The following NBEA variants were observed in gnomAD, a reference collection of about 807,000 sequenced individuals.
NBEA encodes the protein neurobeachin.
In NBEA, 44 loss-of-function variants were observed where a neutral mutation model predicts 343.4. The observed-to-expected ratio is 0.13, with a 90% CI of 0.10 to 0.16. The LOEUF (loss-of-function observed/expected upper bound fraction) is 0.16, where lower values mean the gene tolerates loss of function less well. Among genes scored for constraint, NBEA ranks in the 10% least tolerant of loss-of-function variants. The pLI is 1.00. For missense variants in NBEA, 2,555 were observed against 3,631.3 expected (o/e 0.70, Z 7.62); for synonymous variants, 1,175 against 1,238.7 (o/e 0.95, Z 1.08).
At chr13:35,077,097 T>C (rs977854886) in intron 10 of NBEA, among the ~76,000 whole-genome samples, 1 of 152,064 alleles carries the variant, frequency 6.6e-6, no homozygotes, top group African/African-American at 2.4e-5. Context: ...CCATAACATG[T>C]AATGAATGGA....
chr13:35,598,303 G>A (rs888743943), intron 47 of NBEA, among the ~76,000 whole-genome samples: 14 of 152,154 alleles, frequency 9.2e-5, no homozygotes, highest in Admixed American at 5.9e-4. Context: ...ATAAGTTGTC[G>A]ATTACCCAGA....
At chr13:35,465,788 G>C (rs180827580) in intron 40 of NBEA, among the ~76,000 whole-genome samples, 3 of 150,898 alleles carry the variant, frequency 2.0e-5, no homozygotes, top group Non-Finnish European at 4.4e-5. Flanking sequence ...TTTTCTTCTA[G>C]GAAATCACAC....
At chr13:35,179,373 A>G (rs975471730) in intron 28 of NBEA, among the ~76,000 whole-genome samples, 1 of 151,542 alleles carries the variant, frequency 6.6e-6, no homozygotes, top group South Asian at 2.1e-4. Flanking sequence ...GAAACATTAT[A>G]TAGCTCATGT....
Position 35,522,475 on chromosome 13 carries a change from C to CAAAAAAAAAAAAAAAAAAAAAAA in NBEA, c.6586-27993_6586-27971dup, listed in dbSNP as rs138270833. Among the ~76,000 whole-genome samples, 3 of 42,036 alleles carry CAAAAAAAAAAAAAAAAAAAAAAA rather than the reference C, an allele frequency of 7.1e-5. 1 individual carries two copies. Among genetic ancestry groups the CAAAAAAAAAAAAAAAAAAAAAAA allele is most frequent in the Non-Finnish European group, 1.7e-4 (3 of 18,128 alleles). The allele number at this position is 42,036 out of a possible 152,430, so 27.6% of individuals were successfully genotyped here. On this transcript the variant is annotated intron_variant, in intron 41 of 58. Transcript: ENST00000379939. ...GGGCAACAAAGCAAGATACCATCTC[C>CAAAAAAAAAAAAAAAAAAAAAAA]AAAAAAAAAAAAAAAAAAAAAAAAA...
At chr13:35,225,132 T>A (rs2074579859) in intron 33 of NBEA, among the ~76,000 whole-genome samples, 1 of 152,148 alleles carries the variant, frequency 6.6e-6, no homozygotes, top group African/African-American at 2.4e-5. Flanking sequence ...TAGACTACTG[T>A]TATCTGTTAC....
At chr13:35,385,564 G>A (rs2042207236) in intron 38 of NBEA, among the ~76,000 whole-genome samples, 1 of 151,960 alleles carries the variant, frequency 6.6e-6, no homozygotes, top group African/African-American at 2.4e-5. Context: ...TTAGTCAGGT[G>A]TGGTGGTGTG....
intron 47 of NBEA, among the ~76,000 whole-genome samples, chr13:35,594,706 A>G (rs1286730743): frequency 1.3e-5 from 2 of 152,144 alleles, no homozygotes; most frequent in Non-Finnish European, 1.5e-5. Flanking sequence ...TTATATAATA[A>G]CACTTTGAGA....
chr13:35,429,729 A>G (rs2044961329), intron 38 of NBEA, among the ~76,000 whole-genome samples: 1 of 151,608 alleles, frequency 6.6e-6, no homozygotes, highest in South Asian at 2.1e-4. Context: ...TCACCTGAGC[A>G]GTGTACCCTA....
intron 1 of NBEA, among the ~76,000 whole-genome samples, chr13:34,992,715 C>T (rs1281794436): frequency 1.3e-5 from 2 of 151,800 alleles, no homozygotes; most frequent in Admixed American, 6.6e-5. Context: ...CTCTGTTGCC[C>T]AGGCTGGAGT....
intron 51 of NBEA, among the ~76,000 whole-genome samples, chr13:35,649,374 A>G (rs906288643): frequency 6.6e-6 from 1 of 152,134 alleles, no homozygotes; most frequent in Non-Finnish European, 1.5e-5. Flanking sequence ...AACTTTTCAC[A>G]TTGCATTGTG....
chr13:35,403,689 G>A (rs2043110329), intron 38 of NBEA, among the ~76,000 whole-genome samples: 1 of 151,882 alleles, frequency 6.6e-6, no homozygotes, highest in Non-Finnish European at 1.5e-5. Flanking sequence ...CAGGACATAG[G>A]CATGGGCAAG....
chr13:35,265,910 G>GA (rs892356309), intron 34 of NBEA, among the ~76,000 whole-genome samples: 13 of 151,880 alleles, frequency 8.6e-5, no homozygotes, highest in Admixed American at 8.5e-4. Flanking sequence ...CAACAGTTAA[G>GA]AAGTAATCTA....
chr13:35,600,198 G>A (rs1032219920), intron 47 of NBEA, among the ~76,000 whole-genome samples: 2 of 152,118 alleles, frequency 1.3e-5, no homozygotes, highest in Non-Finnish European at 2.9e-5. Flanking sequence ...TTGTATCACC[G>A]ATTTCAGGAA....
At chr13:35,021,196 T>C (rs550023183) in intron 1 of NBEA, among the ~76,000 whole-genome samples, 2 of 152,302 alleles carry the variant, frequency 1.3e-5, no homozygotes, top group East Asian at 1.9e-4. Flanking sequence ...TGCCTGACTT[T>C]ATAGTTTTAT....
At chr13:35,019,401 G>A (rs1270863447) in intron 1 of NBEA, among the ~76,000 whole-genome samples, 2 of 151,676 alleles carry the variant, frequency 1.3e-5, no homozygotes, top group Non-Finnish European at 2.9e-5. Flanking sequence ...GGGTTCAAGC[G>A]ATTCTTGTGC....
intron 1 of NBEA, among the ~76,000 whole-genome samples, chr13:34,992,198 ATG>A (rs58578283): frequency 0.018 from 2,473 of 138,738 alleles, 68 homozygotes; most frequent in African/African-American, 0.058. Flanking sequence ...GTGTATATAT[ATG>A]TGTGTGTGTG....
intron 48 of NBEA, among the ~76,000 whole-genome samples, chr13:35,609,482 A>G (rs567833139): frequency 1.5e-4 from 23 of 152,204 alleles, no homozygotes; most frequent in Non-Finnish European, 3.1e-4. Flanking sequence ...TTTTTTAAAA[A>G]TTGGGGAAGT....
intron 34 of NBEA, among the ~76,000 whole-genome samples, chr13:35,241,645 T>C (rs2030304956): frequency 6.6e-6 from 1 of 151,834 alleles, no homozygotes; most frequent in South Asian, 2.1e-4. Flanking sequence ...AACCTTGAAG[T>C]CCTCATTCTC....
intron 33 of NBEA, among the ~76,000 whole-genome samples, chr13:35,227,627 C>T (rs1011024512): frequency 1.3e-5 from 2 of 151,810 alleles, no homozygotes; most frequent in East Asian, 1.9e-4. Flanking sequence ...TATAAACTAC[C>T]TATTTTATAT....
Sources: allele counts gnomAD v4.1 joint callset (sites outside exome capture counted in the v4.1 genomes callset), GRCh38; gene constraint gnomAD v4.1.1; transcripts MANE v1.5; gene names NCBI Gene and HGNC (gene_info 2026-07-23, HGNC 2026-07-21).